STARD13: variants seen among roughly 807,000 people sequenced by gnomAD.
The protein encoded by STARD13 is StAR related lipid transfer domain containing 13.
STARD13 carries 62 observed loss-of-function variants against 106.4 expected under a neutral mutation model. The ratio of observed to expected loss-of-function variants is 0.58; its 90% CI spans 0.48 to 0.72. STARD13 has a LOEUF of 0.72. STARD13 is among the 30% of genes least tolerant of loss of function. STARD13 has a pLI of 0.00. For missense variants in STARD13, 1,387 were observed against 1,424.0 expected, an observed-to-expected ratio of 0.97 and a Z score of 0.42; for synonymous variants, 565 against 553.0, an observed-to-expected ratio of 1.02 and a Z score of -0.31.
chr13:33,672,486 C>A, the STARD13 span, among the ~76,000 whole-genome samples: 1 of 152,150 alleles, frequency 6.6e-6, no homozygotes, highest in Admixed American at 6.5e-5. Flanking sequence ...TCCTATGTAA[C>A]AAACCTGCAC....
At chr13:33,499,495 C>T in the STARD13 span, among the ~76,000 whole-genome samples, 1 of 75,068 alleles carries the variant, frequency 1.3e-5, no homozygotes, top group East Asian at 8.4e-4. Flanking sequence ...AGTCTTTTCT[C>T]CTTCTTCTTC....
At chr13:33,534,492 T>C in the STARD13 span, among the ~76,000 whole-genome samples, 1,694 of 152,360 alleles carry the variant, frequency 0.011, 39 homozygotes, top group African/African-American at 0.038. Flanking sequence ...GATTTCAACA[T>C]TTTTAAAAAG....
At chr13:33,206,366 A>AAC (rs59306930) in intron 1 of STARD13, among the ~76,000 whole-genome samples, 33,039 of 149,404 alleles carry the variant, frequency 0.22, 4,121 homozygotes, top group Admixed American at 0.33. Context: ...CCATGACTGA[A>AAC]ACACACACAC....
chr13:33,138,683 G>A (rs552207129), intron 4 of STARD13: 8 of 309,216 alleles, frequency 2.6e-5, no homozygotes, highest in South Asian at 5.4e-5. Flanking sequence ...GGAATGCCGC[G>A]GGAGTGGAGA....
At chr13:33,379,799 T>G in the STARD13 span, among the ~76,000 whole-genome samples, 4 of 152,322 alleles carry the variant, frequency 2.6e-5, no homozygotes, top group African/African-American at 9.6e-5. Flanking sequence ...ATCCCAGGGT[T>G]CACATGCTTG....
chr13:33,589,468 A>G, the STARD13 span, among the ~76,000 whole-genome samples: 1 of 152,140 alleles, frequency 6.6e-6, no homozygotes, highest in East Asian at 1.9e-4. Context: ...ACACTGCTTT[A>G]AATGTGTCCC....
chr13:33,356,968 C>A, the STARD13 span, among the ~76,000 whole-genome samples: 1 of 152,336 alleles, frequency 6.6e-6, no homozygotes, highest in East Asian at 1.9e-4. Flanking sequence ...GCAAAGAACT[C>A]TTTGTTCTAC....
chr13:33,366,378 T>C, the STARD13 span, among the ~76,000 whole-genome samples: 82,014 of 152,040 alleles, frequency 0.54, 24,675 homozygotes, highest in East Asian at 0.92. The surrounding 1 kb of genome is among the most constrained non-coding windows in gnomAD (Gnocchi z 4.2). Context: ...AGCTGGACAC[T>C]GTAAATTTTC....
At chr13:33,420,117 A>G in the STARD13 span, among the ~76,000 whole-genome samples, 1 of 152,224 alleles carries the variant, frequency 6.6e-6, no homozygotes, top group African/African-American at 2.4e-5. Context: ...TTAACCTTAA[A>G]TGTAAATGGA....
the STARD13 span, among the ~76,000 whole-genome samples, chr13:33,387,741 C>T: frequency 6.6e-6 from 1 of 152,222 alleles, no homozygotes; most frequent in Admixed American, 6.5e-5. Flanking sequence ...TTAGCACCTT[C>T]CACCTAGCAA....
chr13:33,261,321 AATTACCTG>A (rs746591092), intron 1 of STARD13, among the ~76,000 whole-genome samples: 7 of 152,336 alleles, frequency 4.6e-5, no homozygotes, highest in African/African-American at 4.8e-5. Context: ...CACAAAAAAC[AATTACCTG>A]GCCCCCAAAT....
At chr13:33,349,358 G>A (rs969803036) in intron 1 of STARD13, 11 of 650,142 alleles carry the variant, frequency 1.7e-5, no homozygotes, top group South Asian at 3.3e-5. Flanking sequence ...ACCCTGCACT[G>A]CCCAGGAACT....
chr13:33,657,131 G>A, the STARD13 span, among the ~76,000 whole-genome samples: 7 of 152,250 alleles, frequency 4.6e-5, no homozygotes, highest in South Asian at 4.1e-4. Flanking sequence ...TTAGCTGGGC[G>A]TGGTGGCGGG....
At chr13:33,522,914 G>T in the STARD13 span, among the ~76,000 whole-genome samples, 1 of 152,170 alleles carries the variant, frequency 6.6e-6, no homozygotes, top group Non-Finnish European at 1.5e-5. Context: ...GCCTTGCAGG[G>T]CTGTTGTAAG....
the STARD13 span, among the ~76,000 whole-genome samples, chr13:33,402,105 G>A: frequency 6.6e-6 from 1 of 152,298 alleles, no homozygotes; most frequent in Admixed American, 6.5e-5. Context: ...TTTTCATAAA[G>A]TGAATAAATA....
chr13:33,399,700 C>CAAAAAAAAAAAAAAAAAAAAAAAAAAAAA, the STARD13 span, among the ~76,000 whole-genome samples: 1 of 26,948 alleles, frequency 3.7e-5, no homozygotes, highest in Non-Finnish European at 9.0e-5. Context: ...GACTCTGTCT[C>CAAAAAAAAAAAAAAAAAAAAAAAAAAAAA]AAAAAAAAAA....
intron 3 of STARD13, among the ~76,000 whole-genome samples, chr13:33,164,665 A>G (rs1183355960): frequency 4.6e-5 from 7 of 152,208 alleles, no homozygotes; most frequent in African/African-American, 1.7e-4. Flanking sequence ...TACCCAAATT[A>G]TAATTGTTAT....
chr13:33,643,544 C>G, the STARD13 span, among the ~76,000 whole-genome samples: 1 of 152,364 alleles, frequency 6.6e-6, no homozygotes, highest in South Asian at 2.1e-4. Context: ...GAAATATAGA[C>G]TTGAGATCAG....
the STARD13 span, among the ~76,000 whole-genome samples, chr13:33,445,715 T>G: frequency 6.6e-6 from 1 of 151,690 alleles, no homozygotes; most frequent in Non-Finnish European, 1.5e-5. Flanking sequence ...TGGCTGAAGG[T>G]GAAGGGGAAT....
Sources: gnomAD v4.1 joint callset for allele counts (sites outside exome capture counted in the v4.1 genomes callset) on GRCh38, gnomAD v4.1.1 for gene constraint, Gnocchi (gnomAD v3.1) non-coding constraint, MANE v1.5 for transcripts, NCBI Gene and HGNC (gene_info 2026-07-23, HGNC 2026-07-21) for gene names.